EMCN: variants seen among roughly 807,000 people sequenced by gnomAD.
EMCN encodes the protein endomucin.
EMCN carries 37 observed loss-of-function variants against 38.4 expected under a neutral mutation model. That is an observed-to-expected ratio of 0.96 (90% CI 0.74 to 1.27). The LOEUF (loss-of-function observed/expected upper bound fraction) is 1.27, where lower values mean the gene tolerates loss of function less well. Ranked by LOEUF, EMCN falls within the 50% of genes most tolerant of loss-of-function variation. EMCN has a pLI of 0.00. For missense variants in EMCN, 318 were observed against 302.8 expected (o/e 1.05, Z -0.37); for synonymous variants, 95 against 100.8 (o/e 0.94, Z 0.35).
intron 1 of EMCN, among the ~76,000 whole-genome samples, chr4:100,509,953 T>C (rs762006514): frequency 6.6e-6 from 1 of 152,210 alleles, no homozygotes; most frequent in Non-Finnish European, 1.5e-5. Context: ...AAAATGGGTA[T>C]TCCCATTGTC....
At chr4:100,445,812 T>G (rs2110241114) in intron 5 of EMCN, among the ~76,000 whole-genome samples, 1 of 152,334 alleles carries the variant, frequency 6.6e-6, no homozygotes, top group East Asian at 1.9e-4. Context: ...TAGCTGCAAT[T>G]CATATTTGAA....
intron 3 of EMCN, among the ~76,000 whole-genome samples, chr4:100,467,652 A>G (rs1246744244): frequency 2.1e-5 from 3 of 145,010 alleles, no homozygotes; most frequent in Non-Finnish European, 3.0e-5. Flanking sequence ...ACTGCAGTCC[A>G]GCTTGGGCGA....
intron 8 of EMCN, among the ~76,000 whole-genome samples, chr4:100,420,395 A>G (rs762030097): frequency 5.3e-5 from 8 of 152,002 alleles, no homozygotes; most frequent in Non-Finnish European, 8.8e-5. Context: ...GAGATTAGGT[A>G]TGTTATGAAA....
intron 1 of EMCN, among the ~76,000 whole-genome samples, chr4:100,488,953 T>G (rs185636494): frequency 6.6e-6 from 1 of 152,330 alleles, no homozygotes; most frequent in African/African-American, 2.4e-5. Flanking sequence ...CTTAAATGAC[T>G]GGCATTCCAA....
chr4:100,445,207 A>G (rs1727634549), intron 5 of EMCN, among the ~76,000 whole-genome samples: 1 of 152,186 alleles, frequency 6.6e-6, no homozygotes, highest in Non-Finnish European at 1.5e-5. Context: ...GGAAGTGGGA[A>G]GAGCACTAGA....
chr4:100,456,153 A>G (rs1173037360), intron 4 of EMCN, among the ~76,000 whole-genome samples: 1 of 152,094 alleles, frequency 6.6e-6, no homozygotes, highest in African/African-American at 2.4e-5. Context: ...CTGAAATTGT[A>G]TGTATCTTAG....
rs774110841 is a variant in EMCN at position 100,517,908 on chromosome 4, G to A, written c.7C>T (p.Leu3=). ME[L]LQVTILFLLP... ...AGAAAAAGAATGGTCACTTGAAGCA[G>A]TTCCATGGTGCCCGTAGATGGTGTC... The change falls in exon 1 of 12, where the codon CTG becomes TTG. Residue 3 remains leucine (L), a synonymous_variant. Transcript: ENST00000296420. The A allele has an allele frequency of 6.2e-7, 1 of 1,612,622 alleles. No homozygotes were observed. Among genetic ancestry groups the A allele is most frequent in the Non-Finnish European group, 8.5e-7 (1 of 1,178,924 alleles).
At chr4:100,456,033 G>A (rs1045143775) in intron 4 of EMCN, among the ~76,000 whole-genome samples, 1 of 152,048 alleles carries the variant, frequency 6.6e-6, no homozygotes, top group African/African-American at 2.4e-5. Context: ...GGGCTCAAGC[G>A]ATTTGCCCAC....
intron 1 of EMCN, among the ~76,000 whole-genome samples, chr4:100,482,162 T>A (rs1211317327): frequency 6.6e-6 from 1 of 152,148 alleles, no homozygotes; most frequent in African/African-American, 2.4e-5. Context: ...CAGGTTGTGA[T>A]ACAATTAAAG....
In EMCN at chr4:100,398,381, C is replaced by CAAT. The variant is rs1373598673; in HGVS notation, c.*40-9_*40-8insATT. The CAAT allele has an allele frequency of 1.7e-5, 1 of 58,478 alleles. No individual in the cohort carries two copies. Among genetic ancestry groups the CAAT allele is most frequent in the Non-Finnish European group, 5.3e-5 (1 of 18,972 alleles). The allele number at this position is 58,478 out of a possible 1,614,324, so 3.6% of individuals were successfully genotyped here. ...AGAAGCTGAAGATTAAGCCTGTGAG[C>CAAT]AACAACAACAACAACAACAACAACA... On this transcript the variant is annotated splice_polypyrimidine_tract_variant and intron_variant, in intron 11 of 11. Coordinates refer to ENST00000296420, the MANE Select transcript of EMCN (RefSeq NM_016242.4).
In EMCN at chr4:100,475,008, A is replaced by T. The variant is rs750321279; in HGVS notation, c.259+30T>A. On this transcript the variant is annotated intron_variant, in intron 3 of 11. Transcript: ENST00000296420. ...ATGTTATGTGAATTATATATTTTTT[A>T]AAATTGTAGAAAAATGAATCATTAC... 7 of 1,241,700 alleles carry T rather than the reference A, an allele frequency of 5.6e-6. No individual in the cohort carries two copies. In the South Asian group the frequency reaches 7.9e-5, roughly 14 times the overall value. 76.9% of individuals were successfully genotyped at this position (1,241,700 alleles called of 1,614,324 possible). A position where few individuals can be genotyped will look rare whatever the true frequency, so the allele number is the denominator to read the frequency against.
intron 11 of EMCN, among the ~76,000 whole-genome samples, chr4:100,409,271 G>A (rs1726482801): frequency 6.6e-6 from 1 of 151,826 alleles, no homozygotes; most frequent in African/African-American, 2.4e-5. Context: ...AGATTCTTCT[G>A]CAAGTTTTAT....
Position 100,443,420 on chromosome 4 carries a change from G to C in EMCN, c.415+4113C>G, listed in dbSNP as rs140874869. On this transcript the variant is annotated intron_variant, in intron 5 of 11. Transcript: ENST00000296420. ...GGCACAGTGGGGTAATCAATGTGCA[G>C]CTTCTTTAGTTGTGATCAATGTCAG... 1.0e-3 allele frequency among the ~76,000 whole-genome samples: 155 copies of C among 152,366 alleles called. 1 individual carries two copies. The highest frequency in any genetic ancestry group is 3.7e-3 in the African/African-American group (152 of 41,594).
rs527502964 is a variant in EMCN, at chr4:100,443,179, G to A, written c.415+4354C>T. 9.2e-5 allele frequency among the ~76,000 whole-genome samples: 14 copies of A among 152,318 alleles called. No individual in the cohort carries two copies. The South Asian group carries it at 2.7e-3, about 29-fold the overall frequency. ...TCATTACTTTAAATCACTTTTCAGA[G>A]AGTTTGTAATTTCTGCTTCTTTGTC... On this transcript the variant is annotated intron_variant, in intron 5 of 11. Coordinates refer to ENST00000296420, the MANE Select transcript of EMCN (RefSeq NM_016242.4).
chr4:100,410,182 C>CT (rs1186408274), intron 11 of EMCN, 100 bp downstream of exon 11: 2 of 862,828 alleles, frequency 2.3e-6, no homozygotes, highest in Non-Finnish European at 3.8e-6. Context: ...AAACCATTAG[C>CT]TTTCCAGCTT....
At chr4:100,408,289 G>A (rs2110208060) in intron 11 of EMCN, among the ~76,000 whole-genome samples, 1 of 152,290 alleles carries the variant, frequency 6.6e-6, no homozygotes, top group East Asian at 1.9e-4. Context: ...GAGGTAAGGA[G>A]GCAATCTGGC....
intron 4 of EMCN, among the ~76,000 whole-genome samples, chr4:100,461,664 G>T (rs1728182447): frequency 6.6e-6 from 1 of 152,140 alleles, no homozygotes; most frequent in Admixed American, 6.6e-5. Context: ...GAAAAGATTA[G>T]AGAGAAATGT....
At chr4:100,423,669 A>T (rs774259554) in intron 5 of EMCN, among the ~76,000 whole-genome samples, 1 of 152,152 alleles carries the variant, frequency 6.6e-6, no homozygotes, top group Non-Finnish European at 1.5e-5. Flanking sequence ...TTTTTAGCGT[A>T]GATTACAGCC....
intron 1 of EMCN, among the ~76,000 whole-genome samples, chr4:100,501,962 A>T (rs1331837492): frequency 6.6e-6 from 1 of 152,164 alleles, no homozygotes; most frequent in East Asian, 1.9e-4. Flanking sequence ...GTGCTAAGGA[A>T]ATTGAAGATG....
Sources: gnomAD v4.1 joint callset for allele counts (sites outside exome capture counted in the v4.1 genomes callset) on GRCh38, gnomAD v4.1.1 for gene constraint, MANE v1.5 for transcripts, NCBI Gene and HGNC (gene_info 2026-07-23, HGNC 2026-07-21) for gene names.